The following UMAD1 variants were observed in gnomAD, a reference collection of about 807,000 sequenced individuals.
UMAD1 encodes the protein UBAP1-MVB12-associated (UMA) domain containing 1.
In UMAD1, 8 loss-of-function variants were observed where a neutral mutation model predicts 6.1. The ratio of observed to expected loss-of-function variants is 1.30; its 90% CI spans 0.76 to 2.35. UMAD1 has a LOEUF of 2.35. Among genes scored for constraint, UMAD1 ranks in the 30% most tolerant of loss-of-function variants. The pLI, the probability that UMAD1 is intolerant of heterozygous loss-of-function variation, is 0.00. For synonymous variants in UMAD1, 56 were observed against 31.4 expected, an observed-to-expected ratio of 1.78 and a Z score of -2.61; for missense variants, 130 against 78.4, an observed-to-expected ratio of 1.66 and a Z score of -2.49.
At chr7:7,819,477 C>T (rs1583849476) in intron 3 of UMAD1, among the ~76,000 whole-genome samples, 4 of 152,062 alleles carry the variant, frequency 2.6e-5, no homozygotes, top group Admixed American at 6.5e-5. Flanking sequence ...GCTATACACA[C>T]GCTGGGAGCC....
intron 3 of UMAD1, among the ~76,000 whole-genome samples, chr7:7,813,135 CT>C (rs1201142464): frequency 1.3e-5 from 2 of 152,192 alleles, no homozygotes; most frequent in Non-Finnish European, 2.9e-5. Flanking sequence ...TATACTTTAG[CT>C]TAGTACAATT....
At chr7:7,874,145 C>G (rs1784376579) in intron 3 of UMAD1, among the ~76,000 whole-genome samples, 1 of 152,214 alleles carries the variant, frequency 6.6e-6, no homozygotes, top group Non-Finnish European at 1.5e-5. Flanking sequence ...TTATCCTTAA[C>G]TGTGCTCTTG....
intron 1 of UMAD1, among the ~76,000 whole-genome samples, chr7:7,642,653 T>G (rs916388721): frequency 2.6e-5 from 4 of 152,162 alleles, no homozygotes; most frequent in African/African-American, 9.7e-5. Flanking sequence ...AAATACATGA[T>G]GTACAGAAAA....
intron 2 of UMAD1, among the ~76,000 whole-genome samples, chr7:7,748,622 TATAATC>T (rs1172635471): frequency 1.3e-5 from 2 of 152,104 alleles, no homozygotes; most frequent in African/African-American, 2.4e-5. Flanking sequence ...ATATTAATAA[TATAATC>T]ATAATGCCGA....
intron 1 of UMAD1, among the ~76,000 whole-genome samples, chr7:7,651,225 G>T (rs28916280): frequency 0.045 from 6,824 of 152,236 alleles, 236 homozygotes; most frequent in Admixed American, 0.097. Context: ...GAAAGGACAA[G>T]GATCTACAAA....
At position 7,706,742 on chromosome 7, in the gene UMAD1, G is replaced by T. The variant is rs537309039; in HGVS notation, c.82+33289G>T. ...TGACTAACTTGCGTAAGAGTGCGTG[G>T]TTAGTAAGTGACAGCTGGGATTTTA... On this transcript the variant is annotated intron_variant, in intron 2 of 3. Coordinates refer to ENST00000682710, the MANE Select transcript of UMAD1 (RefSeq NM_001302348.2). Among the ~76,000 whole-genome samples the T allele has an allele frequency of 5.6e-4, 85 of 152,280 alleles. 1 individual carries two copies. In the South Asian group the frequency reaches 7.0e-3, roughly 13 times the overall value.
chr7:7,667,248 G>C (rs528296201), intron 1 of UMAD1, among the ~76,000 whole-genome samples: 2 of 152,136 alleles, frequency 1.3e-5, no homozygotes, highest in East Asian at 3.8e-4. Flanking sequence ...ATAAAATTTG[G>C]TATGTTTCCT....
In UMAD1 at chr7:7,825,189, A is replaced by G. The variant is rs116158062; in HGVS notation, c.156+23446A>G. 6.5e-3 allele frequency among the ~76,000 whole-genome samples: 994 copies of G among 152,246 alleles called. 13 individuals carry two copies. The highest frequency in any genetic ancestry group is 0.023 in the African/African-American group (945 of 41,550). ...AATCTTCCTACAGGAAAACTTTTCT[A>G]TTAATATCTTGTGTTCCATCCCCTC... On this transcript the variant is annotated intron_variant, in intron 3 of 3. Transcript: ENST00000682710.
intron 2 of UMAD1, among the ~76,000 whole-genome samples, chr7:7,745,852 A>G (rs1337135296): frequency 2.0e-5 from 3 of 151,994 alleles, no homozygotes; most frequent in Admixed American, 2.0e-4. Flanking sequence ...GAAAGTTTAC[A>G]TTGATTCCTT....
rs28916000 is a variant in UMAD1 at position 7,670,670 on chromosome 7, G to A, written c.-63-2639G>A. Among the ~76,000 whole-genome samples, 170 of 152,296 alleles carry A rather than the reference G, an allele frequency of 1.1e-3. 2 individuals are homozygous for A. In the East Asian group the frequency reaches 0.03, roughly 27 times the overall value. On this transcript the variant is annotated intron_variant, in intron 1 of 3. Coordinates refer to ENST00000682710, the MANE Select transcript of UMAD1 (RefSeq NM_001302348.2). ...TGATACACAAGAGTCTGTTCATCAT[G>A]TTCAGATGTGGTACTCTTGGTCTGG...
chr7:7,849,131 C>T (rs578061844), intron 3 of UMAD1, among the ~76,000 whole-genome samples: 77 of 152,256 alleles, frequency 5.1e-4, no homozygotes, highest in African/African-American at 1.8e-3. Context: ...TGATTACTTA[C>T]TGCATTCTGC....
chr7:7,703,764 A>G (rs1301843555), intron 2 of UMAD1, among the ~76,000 whole-genome samples: 1 of 152,074 alleles, frequency 6.6e-6, no homozygotes, highest in Non-Finnish European at 1.5e-5. Flanking sequence ...ACGTGGCGAA[A>G]CCCCGTTTCT....
chr7:7,662,848 A>C (rs12111719), intron 1 of UMAD1, among the ~76,000 whole-genome samples: 127,450 of 152,052 alleles, frequency 0.84, 53,579 homozygotes, highest in Non-Finnish European at 0.88. Flanking sequence ...TTTGTTGAAT[A>C]AATTTAAAAG....
intron 3 of UMAD1, among the ~76,000 whole-genome samples, chr7:7,810,181 A>G (rs372051535): frequency 1.3e-5 from 2 of 150,552 alleles, no homozygotes; most frequent in East Asian, 1.9e-4. Flanking sequence ...GGTTACAAAG[A>G]TGATTATGAA....
intron 3 of UMAD1, among the ~76,000 whole-genome samples, chr7:7,864,503 C>G (rs1047661891): frequency 6.6e-6 from 1 of 151,718 alleles, no homozygotes; most frequent in African/African-American, 2.4e-5. Context: ...GGGGACAACG[C>G]AGACACGCCA....
chr7:7,650,712 A>C (rs755743540), intron 1 of UMAD1, among the ~76,000 whole-genome samples: 3 of 152,264 alleles, frequency 2.0e-5, no homozygotes, highest in Non-Finnish European at 2.9e-5. Flanking sequence ...TTGATTTACT[A>C]ATCCAGCCAT....
At chr7:7,703,257 A>G (rs1780513388) in intron 2 of UMAD1, among the ~76,000 whole-genome samples, 1 of 152,206 alleles carries the variant, frequency 6.6e-6, no homozygotes, top group South Asian at 2.1e-4. Flanking sequence ...TGAGGCTTCT[A>G]TAATAAAAAT....
At chr7:7,676,534 A>C (rs1214043888) in intron 2 of UMAD1, among the ~76,000 whole-genome samples, 1 of 152,190 alleles carries the variant, frequency 6.6e-6, no homozygotes, top group Non-Finnish European at 1.5e-5. Flanking sequence ...TTGACATCCT[A>C]ACCTCTTTGT....
rs62432644 is a variant in UMAD1, at chr7:7,754,181, G to A, written c.83-47489G>A. On this transcript the variant is annotated intron_variant, in intron 2 of 3. Transcript: ENST00000682710. ...GCCTGGGTGACAAGAGCAAGACTCC[G>A]TCTCAAAAAAGAAAGAAAAAAAACA... 1.8e-3 allele frequency among the ~76,000 whole-genome samples: 279 copies of A among 151,952 alleles called. 2 individuals are homozygous for A. Among genetic ancestry groups the A allele is most frequent in the Non-Finnish European group, 2.7e-3 (185 of 67,950 alleles).
Sources: gnomAD v4.1 joint callset for allele counts (sites outside exome capture counted in the v4.1 genomes callset) on GRCh38, gnomAD v4.1.1 for gene constraint, MANE v1.5 for transcripts, NCBI Gene and HGNC (gene_info 2026-07-23, HGNC 2026-07-21) for gene names.